RNF38: variants seen among roughly 807,000 people sequenced by gnomAD.
The protein encoded by RNF38 is ring finger protein 38.
Under a neutral mutation model 67.2 loss-of-function variants are expected in RNF38, and 15 were observed. The observed-to-expected ratio is 0.22, with a 90% confidence interval of 0.15 to 0.34. RNF38 has a LOEUF of 0.34. Among genes scored for constraint, RNF38 ranks in the 10% least tolerant of loss-of-function variants. The pLI is 1.00. For missense variants in RNF38, 524 were observed against 639.9 expected (o/e 0.82, Z 1.95); for synonymous variants, 220 against 218.8 (o/e 1.01, Z -0.05).
Position 36,467,862 on chromosome 9 carries a change from G to A in RNF38, n.241+19446C>T, listed in dbSNP as rs947445306. Among the ~76,000 whole-genome samples, 7 of 152,286 alleles carry A rather than the reference G, an allele frequency of 4.6e-5. No homozygotes were observed. The South Asian group carries it at 1.0e-3, about 23-fold the overall frequency. ...AATACAAATCAGAATAATCTGAGAA[G>A]GGTTTGTTTATAAAAGAAATAATTA... On this transcript the variant is annotated intron_variant and non_coding_transcript_variant, in intron 1 of 3. Coordinates refer to the RNF38 transcript ENST00000488058.
intron 1 of RNF38, among the ~76,000 whole-genome samples, chr9:36,475,218 G>A (rs1840096473): frequency 6.6e-6 from 1 of 151,240 alleles, no homozygotes; most frequent in Admixed American, 6.6e-5. Flanking sequence ...AAATGCATTT[G>A]TTCTGCTAAC....
At chr9:36,416,162 G>A (rs1838462988) in intron 2 of RNF38, among the ~76,000 whole-genome samples, 1 of 148,678 alleles carries the variant, frequency 6.7e-6, no homozygotes, top group African/African-American at 2.5e-5. Context: ...CTCCTTGGGC[G>A]GGGCTTGCTG....
chr9:36,414,280 G>A (rs772454559), intron 2 of RNF38, among the ~76,000 whole-genome samples: 8 of 152,140 alleles, frequency 5.3e-5, no homozygotes, highest in African/African-American at 9.7e-5. Flanking sequence ...TCTATTCATC[G>A]TTCTCGCTGC....
intron 6 of RNF38, among the ~76,000 whole-genome samples, chr9:36,354,801 G>C (rs1438056661): frequency 6.6e-6 from 1 of 152,276 alleles, no homozygotes; most frequent in East Asian, 1.9e-4. Context: ...ATGCTAGTCT[G>C]ACTTCTTCCC....
At chr9:36,439,290 G>GA (rs1839140026) in intron 1 of RNF38, among the ~76,000 whole-genome samples, 1 of 152,178 alleles carries the variant, frequency 6.6e-6, no homozygotes, top group Non-Finnish European at 1.5e-5. Context: ...ATGTGAAAAA[G>GA]AAAAAGATTT....
intron 1 of RNF38, among the ~76,000 whole-genome samples, chr9:36,392,619 G>T (rs1837194987): frequency 6.6e-6 from 1 of 152,018 alleles, no homozygotes; most frequent in African/African-American, 2.4e-5. Context: ...AATTAAATTA[G>T]TGTGGCATGG....
At chr9:36,456,621 T>C (rs554333412) in intron 1 of RNF38, among the ~76,000 whole-genome samples, 14 of 152,218 alleles carry the variant, frequency 9.2e-5, no homozygotes, top group Admixed American at 5.9e-4. Flanking sequence ...TCTCTCCTGC[T>C]GGGCTGAGGG....
intron 2 of RNF38, among the ~76,000 whole-genome samples, chr9:36,416,770 T>TG (rs1838484960): frequency 7.1e-6 from 1 of 140,520 alleles, no homozygotes; most frequent in South Asian, 2.3e-4. Context: ...TTTTTTTTTT[T>TG]GAGACAGAGT....
intron 2 of RNF38, among the ~76,000 whole-genome samples, chr9:36,381,377 C>CT (rs1222370142): frequency 6.6e-6 from 1 of 152,134 alleles, no homozygotes; most frequent in African/African-American, 2.4e-5. Flanking sequence ...GGAAGGAAGA[C>CT]TAGATACACC....
intron 1 of RNF38, among the ~76,000 whole-genome samples, chr9:36,430,405 A>G (rs1299152009): frequency 6.6e-6 from 1 of 152,038 alleles, no homozygotes; most frequent in African/African-American, 2.4e-5. Context: ...GGGTTTTGCC[A>G]TGTTCGTCAG....
At chr9:36,469,797 G>A (rs1587198816) in intron 1 of RNF38, among the ~76,000 whole-genome samples, 1 of 152,100 alleles carries the variant, frequency 6.6e-6, no homozygotes, top group Non-Finnish European at 1.5e-5. Context: ...CCAACATGGC[G>A]AAAACCCGTC....
At chr9:36,460,900 A>AG (rs1246264008) in intron 1 of RNF38, among the ~76,000 whole-genome samples, 1 of 147,690 alleles carries the variant, frequency 6.8e-6, no homozygotes, top group Non-Finnish European at 1.5e-5. Flanking sequence ...AAAAAAAAAA[A>AG]AAAAAAGAAA....
intron 1 of RNF38, among the ~76,000 whole-genome samples, chr9:36,457,407 A>G (rs760075491): frequency 2.6e-5 from 4 of 152,270 alleles, no homozygotes; most frequent in Admixed American, 6.5e-5. Context: ...CCACTGAGCT[A>G]TAACAGAAAA....
intron 1 of RNF38, among the ~76,000 whole-genome samples, chr9:36,455,723 A>T (rs1839575318): frequency 6.6e-6 from 1 of 151,934 alleles, no homozygotes; most frequent in African/African-American, 2.4e-5. Flanking sequence ...AGCCGAGACA[A>T]GACCAGCCTG....
intron 1 of RNF38, among the ~76,000 whole-genome samples, chr9:36,397,579 CTG>C (rs575955779): frequency 4.3e-4 from 65 of 152,198 alleles, no homozygotes; most frequent in Admixed American, 3.7e-3. Flanking sequence ...CCATCTCTTT[CTG>C]AGAGCACAGC....
chr9:36,478,378 T>TG (rs1479593265), intron 1 of RNF38, among the ~76,000 whole-genome samples: 8 of 106,098 alleles, frequency 7.5e-5, no homozygotes, highest in Non-Finnish European at 8.9e-5. Context: ...CACTCCAGCC[T>TG]GGGGGAGAGA....
At chr9:36,423,509 C>T (rs908873830) in intron 2 of RNF38, among the ~76,000 whole-genome samples, 2 of 152,060 alleles carry the variant, frequency 1.3e-5, no homozygotes, top group South Asian at 2.1e-4. Context: ...GCATATAACA[C>T]GCAGAAAATG....
At chr9:36,340,561 C>T (rs558425490) in intron 11 of RNF38, among the ~76,000 whole-genome samples, 7 of 151,700 alleles carry the variant, frequency 4.6e-5, no homozygotes, top group Non-Finnish European at 7.4e-5. Flanking sequence ...ATTTAAAAGA[C>T]GGGTTTCACT....
At position 36,353,274 on chromosome 9, in the gene RNF38, C is replaced by G. The variant is rs1198461954; in HGVS notation, c.967G>C (p.Gly323Arg). Residue 323 changes from glycine to arginine, a missense_variant, in exon 7 of 12, where the codon GGT (glycine) becomes CGT (arginine). Transcript: ENST00000259605. ...TGGGCTGATGGAGGGTAAGTAAAAC[C>G]TCCTACTGGAAGATGTTCTCCTAAG... ...ELLGEHLPVG[G>R]FTYPPSAHPP... The G allele has an allele frequency of 6.2e-7, 1 of 1,613,260 alleles. No homozygotes were observed. The highest frequency in any genetic ancestry group is 1.7e-5 in the Admixed American group (1 of 59,954).
Sources: gnomAD v4.1 joint callset for allele counts (sites outside exome capture counted in the v4.1 genomes callset) on GRCh38, gnomAD v4.1.1 for gene constraint, MANE v1.5 for transcripts, NCBI Gene and HGNC (gene_info 2026-07-23, HGNC 2026-07-21) for gene names.